HS6ST3: variants seen among roughly 807,000 people sequenced by gnomAD.
HS6ST3 encodes heparan-sulfate 6-O-sulfotransferase 3.
HS6ST3 carries 12 observed loss-of-function variants against 36.7 expected under a neutral mutation model. The ratio of observed to expected loss-of-function variants is 0.33; its 90% CI spans 0.21 to 0.53. The LOEUF (loss-of-function observed/expected upper bound fraction) is 0.53, where lower values mean the gene tolerates loss of function less well. HS6ST3 is among the 20% of genes least tolerant of loss of function. HS6ST3 has a pLI of 0.95. For missense variants in HS6ST3, 584 were observed against 640.9 expected (o/e 0.91, Z 0.96); for synonymous variants, 240 against 257.5 (o/e 0.93, Z 0.65).
intron 1 of HS6ST3, among the ~76,000 whole-genome samples, chr13:96,512,402 G>C (rs2056053422): frequency 6.6e-6 from 1 of 152,184 alleles, no homozygotes; most frequent in Non-Finnish European, 1.5e-5. Context: ...TAAGTTTTAG[G>C]ATGAGTTTAT....
At chr13:96,831,975 A>AAAAAAAAAAAAAAAAAAAAAC (rs1566464310) in intron 1 of HS6ST3, among the ~76,000 whole-genome samples, 4 of 148,632 alleles carry the variant, frequency 2.7e-5, no homozygotes, top group African/African-American at 1.0e-4. Flanking sequence ...AAAAAAAAAA[A>AAAAAAAAAAAAAAAAAAAAAC]AAAAACAGAG....
At chr13:96,331,371 T>C (rs1213231580) in intron 1 of HS6ST3, among the ~76,000 whole-genome samples, 6 of 151,852 alleles carry the variant, frequency 4.0e-5, no homozygotes, top group Admixed American at 6.6e-5. Context: ...GTGGATGTCC[T>C]TTCTGTTTGT....
chr13:96,396,698 A>G (rs1471910573), intron 1 of HS6ST3, among the ~76,000 whole-genome samples: 6 of 152,262 alleles, frequency 3.9e-5, no homozygotes, highest in Non-Finnish European at 2.9e-5. Flanking sequence ...CCAGCACAGC[A>G]CTGCTTGTGT....
At chr13:96,685,638 A>T (rs1874754727) in intron 1 of HS6ST3, among the ~76,000 whole-genome samples, 1 of 152,064 alleles carries the variant, frequency 6.6e-6, no homozygotes, top group Non-Finnish European at 1.5e-5. Context: ...CACAATGTCC[A>T]CCCGTCGGAG....
At chr13:96,276,553 C>T (rs931053802) in intron 1 of HS6ST3, among the ~76,000 whole-genome samples, 3 of 152,154 alleles carry the variant, frequency 2.0e-5, no homozygotes, top group Non-Finnish European at 4.4e-5. Flanking sequence ...GTATGTAGCT[C>T]ACAATTGTTC....
rs577778779 is a variant in HS6ST3, at chr13:96,720,397, C to T, written c.708-112093C>T. On this transcript the variant is annotated intron_variant, in intron 1 of 1. Coordinates refer to ENST00000376705, the MANE Select transcript of HS6ST3 (RefSeq NM_153456.4). ...TAGTCTGAATTAGCCCCTTAAAGCC[C>T]CAAAGAAGGAAGAAAACCTGAGATT... Among the ~76,000 whole-genome samples, 4 of 152,096 alleles carry T rather than the reference C, an allele frequency of 2.6e-5. No homozygotes were observed. The South Asian group carries it at 8.3e-4, about 32-fold the overall frequency.
chr13:96,352,536 C>G (rs1318627928), intron 1 of HS6ST3, among the ~76,000 whole-genome samples: 1 of 152,150 alleles, frequency 6.6e-6, no homozygotes, highest in Non-Finnish European at 1.5e-5. Flanking sequence ...CTTCTATGGC[C>G]TAGTTTTGAA....
chr13:96,145,573 G>A (rs954968061), intron 1 of HS6ST3, among the ~76,000 whole-genome samples: 3 of 152,046 alleles, frequency 2.0e-5, no homozygotes, highest in South Asian at 2.1e-4. Flanking sequence ...AGATGAGTAG[G>A]TTGCAAAAAT....
chr13:96,480,846 A>G (rs1344494550), intron 1 of HS6ST3, among the ~76,000 whole-genome samples: 1 of 152,198 alleles, frequency 6.6e-6, no homozygotes, highest in Non-Finnish European at 1.5e-5. Flanking sequence ...TCATCTGAGT[A>G]TGGCCTTAGT....
intron 1 of HS6ST3, among the ~76,000 whole-genome samples, chr13:96,113,463 G>C (rs2053880021): frequency 6.6e-6 from 1 of 152,022 alleles, no homozygotes; most frequent in Admixed American, 6.6e-5. Flanking sequence ...TAGATAATTG[G>C]GCAAAGCTTA....
At position 96,293,104 on chromosome 13, in the gene HS6ST3, T is replaced by C. The variant is rs1285816254; in HGVS notation, c.707+201535T>C. Among the ~76,000 whole-genome samples, 7 of 152,188 alleles carry C rather than the reference T, an allele frequency of 4.6e-5. No homozygotes were observed. In the East Asian group the frequency reaches 1.4e-3, roughly 29 times the overall value. On this transcript the variant is annotated intron_variant, in intron 1 of 1. Coordinates refer to ENST00000376705, the MANE Select transcript of HS6ST3 (RefSeq NM_153456.4). ...AATAGTATAGATATTTATGAAGTAA[T>C]AGTGCCCTGAAAGACAACAATAAAA...
chr13:96,537,607 AG>A (rs1049800397), intron 1 of HS6ST3, among the ~76,000 whole-genome samples: 6 of 152,220 alleles, frequency 3.9e-5, no homozygotes, highest in African/African-American at 1.4e-4. Flanking sequence ...CTCTAAGGAT[AG>A]GGGACATGTT....
rs1465801378 is a variant in HS6ST3, at chr13:96,461,418, C to G, written c.707+369849C>G. 3.3e-5 allele frequency among the ~76,000 whole-genome samples: 5 copies of G among 152,162 alleles called. No homozygotes were observed. The South Asian group carries it at 1.0e-3, about 32-fold the overall frequency. ...TATTACCTGAGCCTCTACTACATGC[C>G]AGAGACACAGTGGTGAGCTGAGGTA... On this transcript the variant is annotated intron_variant, in intron 1 of 1. Transcript: ENST00000376705.
rs184439054 is a variant in HS6ST3 at position 96,503,488 on chromosome 13, C to G, written c.708-329002C>G. ...ACAGAAGACATCAGGGGAAGGTCAT[C>G]ATGACATGTCATATTCCTGGAACAG... On this transcript the variant is annotated intron_variant, in intron 1 of 1. Transcript: ENST00000376705. Among the ~76,000 whole-genome samples the G allele has an allele frequency of 1.2e-3, 178 of 152,262 alleles. 2 individuals carry two copies. Among genetic ancestry groups the G allele is most frequent in the Middle Eastern group, 0.01 (3 of 294 alleles).
At chr13:96,813,909 A>AACTAAAT (rs1878370160) in intron 1 of HS6ST3, among the ~76,000 whole-genome samples, 1 of 152,244 alleles carries the variant, frequency 6.6e-6, no homozygotes, top group Non-Finnish European at 1.5e-5. Flanking sequence ...TTTGCATCAC[A>AACTAAAT]GATGGTTGTA....
At chr13:96,624,875 G>T (rs533840771) in intron 1 of HS6ST3, among the ~76,000 whole-genome samples, 1 of 151,804 alleles carries the variant, frequency 6.6e-6, no homozygotes, top group Non-Finnish European at 1.5e-5. Context: ...TTTCCAATTT[G>T]GGTTATTAAA....
intron 1 of HS6ST3, among the ~76,000 whole-genome samples, chr13:96,200,222 A>G (rs927728006): frequency 1.4e-4 from 21 of 152,320 alleles, no homozygotes; most frequent in Admixed American, 4.6e-4. Flanking sequence ...CAACTCTGCA[A>G]TGGCTGCCCA....
chr13:96,616,223 C>T (rs990934848), intron 1 of HS6ST3, among the ~76,000 whole-genome samples: 1 of 152,100 alleles, frequency 6.6e-6, no homozygotes, highest in Non-Finnish European at 1.5e-5. Flanking sequence ...TGGTAATGGT[C>T]TGGAATTCAT....
At chr13:96,762,323 TA>T (rs1876990032) in intron 1 of HS6ST3, among the ~76,000 whole-genome samples, 1 of 151,788 alleles carries the variant, frequency 6.6e-6, no homozygotes, top group South Asian at 2.1e-4. Context: ...ACTAAAAATA[TA>T]AAAAAATTAG....
Sources: gnomAD v4.1 joint callset for allele counts (sites outside exome capture counted in the v4.1 genomes callset) on GRCh38, gnomAD v4.1.1 for gene constraint, MANE v1.5 for transcripts, NCBI Gene and HGNC (gene_info 2026-07-23, HGNC 2026-07-21) for gene names.